Variants in SLC8A1 observed in about 807,000 individuals in gnomAD.
SLC8A1 encodes sodium/calcium exchanger 1.
In SLC8A1, 18 loss-of-function variants were observed where a neutral mutation model predicts 68.3. That is an observed-to-expected ratio of 0.26 (90% CI 0.18 to 0.39). SLC8A1 has a LOEUF of 0.39. SLC8A1 is among the 10% of genes least tolerant of loss of function. The pLI is 1.00. For missense variants in SLC8A1, 985 were observed against 1,156.7 expected, an observed-to-expected ratio of 0.85 and a Z score of 2.15; for synonymous variants, 475 against 415.5, an observed-to-expected ratio of 1.14 and a Z score of -1.74.
intron 5 of SLC8A1, among the ~76,000 whole-genome samples, chr2:40,161,299 T>G (rs557183698): frequency 6.6e-6 from 1 of 152,332 alleles, no homozygotes; most frequent in Admixed American, 6.5e-5. Context: ...ATATTGCTAT[T>G]GTATTTTGTT....
intron 2 of SLC8A1, among the ~76,000 whole-genome samples, chr2:40,313,404 C>CT (rs1337542485): frequency 6.6e-6 from 1 of 151,942 alleles, no homozygotes; most frequent in Non-Finnish European, 1.5e-5. Context: ...TATATGCTTT[C>CT]TTTTCTGTTG....
In SLC8A1 at chr2:40,338,733, A is replaced by G. The variant is rs570326629; in HGVS notation, c.1808+89740T>C. Among the ~76,000 whole-genome samples the G allele has an allele frequency of 8.5e-5, 13 of 152,312 alleles. No individual in the cohort carries two copies. The East Asian group carries it at 1.9e-3, about 23-fold the overall frequency. ...CTTCCTTTGAAATTAGATGGCAATT[A>G]TCTTCCATAATTGGATTTTCTTCTT... On this transcript the variant is annotated intron_variant, in intron 2 of 7. Coordinates refer to ENST00000406785, the Ensembl canonical transcript of SLC8A1.
intron 1 of SLC8A1, among the ~76,000 whole-genome samples, chr2:40,458,861 T>G (rs1422839517): frequency 6.6e-6 from 1 of 152,198 alleles, no homozygotes; most frequent in African/African-American, 2.4e-5. Context: ...TATTCTTATT[T>G]ATTATTTTTC....
intron 2 of SLC8A1, among the ~76,000 whole-genome samples, chr2:40,252,907 ATATGTG>A (rs1405676677): frequency 1.6e-4 from 20 of 126,802 alleles, no homozygotes; most frequent in Non-Finnish European, 4.9e-5. Context: ...ATATGTATGT[ATATGTG>A]TATATATACA....
intron 2 of SLC8A1, among the ~76,000 whole-genome samples, chr2:40,194,511 G>A (rs112538016): frequency 1.5e-3 from 167 of 108,032 alleles, no homozygotes; most frequent in South Asian, 2.7e-3. Flanking sequence ...GTGTGTGCGC[G>A]CGCAAAGAAA....
intron 1 of SLC8A1, among the ~76,000 whole-genome samples, chr2:40,498,167 A>C (rs1036235808): frequency 1.3e-5 from 2 of 152,044 alleles, no homozygotes; most frequent in Non-Finnish European, 1.5e-5. Context: ...TTAAATCACA[A>C]CATGTTAAAT....
chr2:40,491,259 G>T (rs1705298379), intron 1 of SLC8A1, among the ~76,000 whole-genome samples: 1 of 152,078 alleles, frequency 6.6e-6, no homozygotes, highest in African/African-American at 2.4e-5. Context: ...GTGAATGGGA[G>T]TTCACTCATG....
chr2:40,406,071 G>C (rs183432161), intron 2 of SLC8A1, among the ~76,000 whole-genome samples: 322 of 152,218 alleles, frequency 2.1e-3, no homozygotes, highest in Non-Finnish European at 2.6e-3. Context: ...GTTTCCACTA[G>C]TGGAAAAATG....
chr2:40,219,875 A>AT (rs1162934399), intron 2 of SLC8A1, among the ~76,000 whole-genome samples: 2,872 of 26,796 alleles, frequency 0.11, 151 homozygotes, highest in East Asian at 0.16. Context: ...CTACTATAGG[A>AT]TTTTTTTTTT....
At chr2:40,430,674 C>G (rs184300723) in intron 1 of SLC8A1, among the ~76,000 whole-genome samples, 18 of 152,274 alleles carry the variant, frequency 1.2e-4, no homozygotes, top group Middle Eastern at 3.4e-3. Flanking sequence ...AATCACAGGA[C>G]TTTTGAAGCA....
chr2:40,377,550 T>C (rs532336510), intron 2 of SLC8A1, among the ~76,000 whole-genome samples: 1 of 152,180 alleles, frequency 6.6e-6, no homozygotes, highest in Non-Finnish European at 1.5e-5. Context: ...GTGCTTCAGA[T>C]GCCAACTCAC....
intron 6 of SLC8A1, among the ~76,000 whole-genome samples, chr2:40,154,484 C>CTTTTT (rs869231195): frequency 6.5e-5 from 3 of 46,188 alleles, no homozygotes; most frequent in African/African-American, 1.6e-4. Context: ...TTTTTCTTTT[C>CTTTTT]TTTTTTTTTT....
chr2:40,472,574 G>A (rs1026261213), intron 1 of SLC8A1, among the ~76,000 whole-genome samples: 6 of 152,062 alleles, frequency 3.9e-5, no homozygotes, highest in African/African-American at 1.2e-4. Context: ...TATGTGCCCA[G>A]GCTGGTCTCA....
At chr2:40,310,680 G>A (rs1239503197) in intron 2 of SLC8A1, among the ~76,000 whole-genome samples, 1 of 151,976 alleles carries the variant, frequency 6.6e-6, no homozygotes, top group Admixed American at 6.6e-5. Flanking sequence ...GCTCTAGAGG[G>A]GCTAAGAGAC....
chr2:40,326,458 A>G (rs1381258436), intron 2 of SLC8A1, among the ~76,000 whole-genome samples: 2 of 151,740 alleles, frequency 1.3e-5, no homozygotes, highest in Non-Finnish European at 2.9e-5. Flanking sequence ...AAAAAAAAAA[A>G]TGGTGAAGAA....
At chr2:40,149,403 T>TA (rs2148361440) in intron 6 of SLC8A1, among the ~76,000 whole-genome samples, 1 of 152,238 alleles carries the variant, frequency 6.6e-6, no homozygotes, top group East Asian at 1.9e-4. Flanking sequence ...CAGATACTGA[T>TA]ATGAGTTATG....
At chr2:40,227,588 A>G (rs1257712817) in intron 2 of SLC8A1, among the ~76,000 whole-genome samples, 2 of 152,084 alleles carry the variant, frequency 1.3e-5, no homozygotes, top group African/African-American at 2.4e-5. Flanking sequence ...GGAGAGCATC[A>G]GGAAAAAAAT....
At chr2:40,434,863 G>C (rs577470693) in intron 1 of SLC8A1, among the ~76,000 whole-genome samples, 6 of 152,186 alleles carry the variant, frequency 3.9e-5, no homozygotes, top group South Asian at 4.1e-4. Context: ...CAGTTGTGTC[G>C]GAGGAAGAGG....
chr2:40,178,630 T>C, intron 2 of SLC8A1, 137 bp from the exon 3 acceptor site: 3 of 706,982 alleles, frequency 4.2e-6, no homozygotes, highest in South Asian at 1.5e-5. Context: ...CTGTGAGTTT[T>C]TTCTTCAAGA....
Sources: allele counts gnomAD v4.1 joint callset (sites outside exome capture counted in the v4.1 genomes callset), GRCh38; gene constraint gnomAD v4.1.1; transcripts MANE v1.5; gene names NCBI Gene and HGNC (gene_info 2026-07-23, HGNC 2026-07-21).